Variants in PTPRN2 observed in about 807,000 individuals in gnomAD.
PTPRN2 encodes receptor-type tyrosine-protein phosphatase N2.
A neutral mutation model predicts 118.8 loss-of-function variants in PTPRN2; 74 were observed. The observed-to-expected ratio is 0.62, with a 90% confidence interval of 0.52 to 0.76. The LOEUF is 0.76. Among genes scored for constraint, PTPRN2 ranks in the 30% least tolerant of loss-of-function variants. The probability of loss-of-function intolerance (pLI) is 0.00; values close to 1 mark genes in which losing one functional copy is unlikely to be tolerated. For synonymous variants in PTPRN2, 641 were observed against 608.0 expected (o/e 1.05, Z -0.80); for missense variants, 1,481 against 1,394.4 (o/e 1.06, Z -0.99).
At chr7:158,545,479 G>A (rs886702270) in intron 1 of PTPRN2, among the ~76,000 whole-genome samples, 5 of 152,226 alleles carry the variant, frequency 3.3e-5, no homozygotes, top group African/African-American at 1.2e-4. Flanking sequence ...CTTCCAGGAT[G>A]GATGTGGGTC....
Position 157,614,506 on chromosome 7 carries a change from G to T in PTPRN2, c.2344+6856C>A, listed in dbSNP as rs1247158066. 2.0e-5 allele frequency among the ~76,000 whole-genome samples: 3 copies of T among 152,220 alleles called. No individual in the cohort carries two copies. In the East Asian group the frequency reaches 5.8e-4, roughly 29 times the overall value. On this transcript the variant is annotated intron_variant, in intron 15 of 22. Coordinates refer to ENST00000389418, the MANE Select transcript of PTPRN2 (RefSeq NM_002847.5). ...GACACAAAACCCAAAATGCAATGAT[G>T]AATCTTGACTGCATCCTGGTGGAAA...
intron 12 of PTPRN2, among the ~76,000 whole-genome samples, chr7:157,850,134 C>T (rs1809159771): frequency 6.6e-6 from 1 of 152,212 alleles, no homozygotes; most frequent in Non-Finnish European, 1.5e-5. Flanking sequence ...AAACAGAGCT[C>T]AGGTTATCCC....
At chr7:158,577,255 G>A (rs539153742) in intron 1 of PTPRN2, among the ~76,000 whole-genome samples, 2 of 121,704 alleles carry the variant, frequency 1.6e-5, no homozygotes, top group African/African-American at 3.3e-5. Flanking sequence ...GCCACAGACA[G>A]CATGGGGCCT....
chr7:158,194,534 G>A (rs908419874), intron 4 of PTPRN2, among the ~76,000 whole-genome samples: 4 of 152,204 alleles, frequency 2.6e-5, no homozygotes, highest in African/African-American at 7.2e-5. Flanking sequence ...TGCAGTGGAC[G>A]GTCCAGACGC....
intron 2 of PTPRN2, among the ~76,000 whole-genome samples, chr7:158,340,372 C>A (rs1382526025): frequency 2.0e-5 from 2 of 99,606 alleles, no homozygotes; most frequent in Non-Finnish European, 4.3e-5. Flanking sequence ...AGAGGTCACT[C>A]ACACCCATAC....
chr7:158,061,805 C>T (rs529320693), intron 11 of PTPRN2, among the ~76,000 whole-genome samples: 76 of 152,374 alleles, frequency 5.0e-4, no homozygotes, highest in Admixed American at 2.3e-3. Flanking sequence ...TCACACAAGA[C>T]GCTCTGAGCA....
At chr7:157,952,831 T>G (rs549154576) in intron 11 of PTPRN2, among the ~76,000 whole-genome samples, 2 of 152,186 alleles carry the variant, frequency 1.3e-5, no homozygotes, top group African/African-American at 4.8e-5. Context: ...CACACTTGCT[T>G]GCTTTCAGGT....
At chr7:158,020,913 C>T (rs1198374443) in intron 11 of PTPRN2, among the ~76,000 whole-genome samples, 1 of 152,184 alleles carries the variant, frequency 6.6e-6, no homozygotes, top group Admixed American at 6.5e-5. Flanking sequence ...GCTCCCCCGA[C>T]AGCCGGAGCC....
chr7:157,644,828 GAAAAC>G (rs1585160061), intron 14 of PTPRN2, among the ~76,000 whole-genome samples: 1 of 150,890 alleles, frequency 6.6e-6, no homozygotes, highest in African/African-American at 2.4e-5. Context: ...AAAAACAAAA[GAAAAC>G]AAAACAAAAG....
At chr7:158,307,727 T>C (rs898427928) in intron 3 of PTPRN2, among the ~76,000 whole-genome samples, 2 of 152,246 alleles carry the variant, frequency 1.3e-5, no homozygotes, top group Non-Finnish European at 2.9e-5. Flanking sequence ...ACTAGATATT[T>C]GTCCCCTCCA....
intron 3 of PTPRN2, among the ~76,000 whole-genome samples, chr7:158,263,389 G>A (rs903665557): frequency 2.0e-5 from 3 of 151,348 alleles, no homozygotes; most frequent in African/African-American, 7.3e-5. Context: ...ACACACACGT[G>A]CACATCCACA....
At chr7:158,070,396 C>CGTGGTGGTGGACGTGCTCGTG (rs1811156676) in intron 11 of PTPRN2, among the ~76,000 whole-genome samples, 1 of 109,108 alleles carries the variant, frequency 9.2e-6, no homozygotes, top group Non-Finnish European at 1.8e-5. Context: ...TGGAGGTGCT[C>CGTGGTGGTGGACGTGCTCGTG]GTGGTGGTGG....
chr7:158,343,623 G>A lies in PTPRN2; in HGVS notation c.164-26691C>T, dbSNP rs553349010. Among the ~76,000 whole-genome samples, 128 of 149,310 alleles carry A rather than the reference G, an allele frequency of 8.6e-4. 2 individuals are homozygous for A. In the Middle Eastern group the frequency reaches 0.011, roughly 13 times the overall value. The stretch of plus-strand genomic sequence containing the variant: ...ATGCTGGTGGCACATGGGCTGTCGC[G>A]ACTGCTCCCGGTGGAATCAGCCCCA... On this transcript the variant is annotated intron_variant, in intron 2 of 22. Transcript: ENST00000389418.
chr7:157,800,908 C>T (rs991593075), intron 12 of PTPRN2, among the ~76,000 whole-genome samples: 3 of 151,616 alleles, frequency 2.0e-5, no homozygotes, highest in Non-Finnish European at 4.4e-5. Flanking sequence ...GCCGAGATCG[C>T]ACCACTGCAC....
chr7:157,973,090 G>C (rs771582892), intron 11 of PTPRN2, among the ~76,000 whole-genome samples: 1 of 152,218 alleles, frequency 6.6e-6, no homozygotes. Context: ...CTGAAGCCAG[G>C]GGTGACATAA....
chr7:158,061,617 C>T (rs953188965), intron 11 of PTPRN2, among the ~76,000 whole-genome samples: 2 of 152,292 alleles, frequency 1.3e-5, no homozygotes, highest in Non-Finnish European at 2.9e-5. Flanking sequence ...TGGCTGTGGA[C>T]GGAGGAAGGC....
intron 9 of PTPRN2, among the ~76,000 whole-genome samples, chr7:158,111,837 C>T (rs1816305226): frequency 6.6e-6 from 1 of 152,134 alleles, no homozygotes. Flanking sequence ...TGTTGAAATC[C>T]TAAAACCCAA....
In PTPRN2 at chr7:158,146,301, A is replaced by T. The variant is rs894166397; in HGVS notation, c.911-7786T>A. Among the ~76,000 whole-genome samples, 2 of 152,194 alleles carry T rather than the reference A, an allele frequency of 1.3e-5. 1 individual carries two copies. Among genetic ancestry groups the T allele is most frequent in the South Asian group, 4.1e-4 (2 of 4,836 alleles). Reference sequence around the variant, plus strand: ...AAAATGTTAACCTATATTTAAAAAAATATGAACCTCTCATTAAAGTCAAAG... The same window carrying T: ...AAAATGTTAACCTATATTTAAAAAATTATGAACCTCTCATTAAAGTCAAAG... On this transcript the variant is annotated intron_variant, in intron 6 of 22. Coordinates refer to ENST00000389418, the MANE Select transcript of PTPRN2 (RefSeq NM_002847.5).
At chr7:158,034,196 TGC>T (rs1807921107) in intron 11 of PTPRN2, among the ~76,000 whole-genome samples, 2 of 147,770 alleles carry the variant, frequency 1.4e-5, no homozygotes, top group African/African-American at 5.3e-5. Context: ...AGCAATGCTC[TGC>T]GTGTGGCTGG....
Sources: allele counts gnomAD v4.1 joint callset (sites outside exome capture counted in the v4.1 genomes callset), GRCh38; gene constraint gnomAD v4.1.1; transcripts MANE v1.5; gene names NCBI Gene and HGNC (gene_info 2026-07-23, HGNC 2026-07-21).